TAF1B: variants seen among roughly 807,000 people sequenced by gnomAD.
The protein encoded by TAF1B is TATA box-binding protein-associated factor RNA polymerase I subunit B.
TAF1B carries 61 observed loss-of-function variants against 83.9 expected under a neutral mutation model. That is an observed-to-expected ratio of 0.73 (90% CI 0.59 to 0.90). TAF1B has a LOEUF of 0.90. TAF1B is among the 40% of genes least tolerant of loss of function. TAF1B has a pLI of 0.00. For missense variants in TAF1B, 625 were observed against 677.0 expected, an observed-to-expected ratio of 0.92 and a Z score of 0.85; for synonymous variants, 221 against 224.6, an observed-to-expected ratio of 0.98 and a Z score of 0.14.
At position 9,882,701 on chromosome 2, in the gene TAF1B, T is replaced by C. The variant is rs1664547190; in HGVS notation, c.708-5T>C. 2 of 1,592,448 alleles carry C rather than the reference T, an allele frequency of 1.3e-6. No individual in the cohort carries two copies. Among genetic ancestry groups the C allele is most frequent in the Non-Finnish European group, 1.7e-6 (2 of 1,169,572 alleles). On this transcript the variant is annotated splice_region_variant and splice_polypyrimidine_tract_variant and intron_variant, in intron 7 of 14. Transcript: ENST00000263663. ...CATTAAACCTTTTTCTTTTTAAAAA[T>C]ACAGGTTTGTTGAAGAGGACCATAT...
chr2:9,883,443 C>A (rs180788440), intron 8 of TAF1B, among the ~76,000 whole-genome samples: 1 of 152,134 alleles, frequency 6.6e-6, no homozygotes. Context: ...ACATTGTTGG[C>A]GGTGTAAGAG....
intron 6 of TAF1B, chr2:9,868,759 A>C: frequency 2.0e-6 from 1 of 494,916 alleles, no homozygotes; most frequent in East Asian, 6.1e-5. Flanking sequence ...TGTAGCAGAA[A>C]AATGTTATTA....
In TAF1B at chr2:9,934,091, T is replaced by TC; in HGVS notation, c.*107_*108insC. The TC allele has an allele frequency of 2.3e-6, 2 of 880,842 alleles. No individual in the cohort carries two copies. Among genetic ancestry groups the TC allele is most frequent in the Non-Finnish European group, 3.4e-6 (2 of 584,612 alleles). 54.6% of individuals were successfully genotyped at this position (880,842 alleles called of 1,614,324 possible). A position where few individuals can be genotyped will look rare whatever the true frequency, so the allele number is the denominator to read the frequency against. ...GTGGAAAATACTGCATATATATGTA[T>TC]AGACTCTGACACATATTTACATATA... On this transcript the variant is annotated 3_prime_UTR_variant, in exon 15 of 15. Transcript: ENST00000263663.
intron 7 of TAF1B, among the ~76,000 whole-genome samples, chr2:9,876,959 G>A (rs1174188257): frequency 1.3e-5 from 2 of 152,080 alleles, no homozygotes; most frequent in Non-Finnish European, 2.9e-5. Flanking sequence ...TATTGGCTCA[G>A]CCCCTTTGAT....
intron 2 of TAF1B, among the ~76,000 whole-genome samples, chr2:9,847,976 C>A (rs1663261077): frequency 6.6e-6 from 1 of 152,134 alleles, no homozygotes; most frequent in Non-Finnish European, 1.5e-5. Context: ...TGTAAATATT[C>A]CATAATGGCC....
At position 9,919,631 on chromosome 2, in the gene TAF1B, C is replaced by G. The variant is rs1372476095; in HGVS notation, c.1376C>G (p.Thr459Arg). The G allele has an allele frequency of 6.8e-6, 11 of 1,613,990 alleles. No homozygotes were observed. The highest frequency in any genetic ancestry group is 1.7e-5 in the Admixed American group (1 of 59,984). The change falls in exon 14 of 15, where the codon ACA becomes AGA. Residue 459 changes from threonine (T) to arginine (R), a missense_variant. Physicochemically the swap from Thr to Arg is moderately conservative, Grantham distance 71 (BLOSUM62 -1). Transcript: ENST00000263663. ...GTGAATCTACAGAAACAATTTAGCA[C>G]ACTGGTCGAGTCAACAGCAACTGCT... The part of the protein sequence containing the change: ...MVVNLQKQFS[T>R]LVESTATAGK...
intron 8 of TAF1B, among the ~76,000 whole-genome samples, chr2:9,892,267 G>C (rs996554589): frequency 6.6e-6 from 1 of 152,154 alleles, no homozygotes; most frequent in Non-Finnish European, 1.5e-5. Flanking sequence ...GCCTAGGTGT[G>C]TACTGGGCTG....
At chr2:9,880,552 A>T (rs1664473458) in intron 7 of TAF1B, among the ~76,000 whole-genome samples, 1 of 149,808 alleles carries the variant, frequency 6.7e-6, no homozygotes, top group Non-Finnish European at 1.5e-5. Context: ...CTTTGCGGAC[A>T]TTTCTGCTTC....
At chr2:9,917,868 T>C (rs12618415) in intron 12 of TAF1B, among the ~76,000 whole-genome samples, 77,977 of 151,296 alleles carry the variant, frequency 0.52, 23,043 homozygotes, top group Non-Finnish European at 0.68. Flanking sequence ...GTCAGGAGAT[T>C]GAGACCATCC....
intron 8 of TAF1B, 23 bp from the exon 9 acceptor site, chr2:9,904,836 T>G: frequency 6.2e-7 from 1 of 1,601,070 alleles, no homozygotes; most frequent in Non-Finnish European, 8.5e-7. Flanking sequence ...ATTGCAACTA[T>G]GATGGTCTCT....
intron 3 of TAF1B, 67 bp downstream of exon 3, chr2:9,849,527 C>CATGGA: frequency 2.5e-6 from 3 of 1,209,678 alleles, no homozygotes; most frequent in Non-Finnish European, 3.3e-6. Context: ...GATGTCAGGA[C>CATGGA]ATGGAATGGA....
chr2:9,908,387 G>A (rs891157537), intron 9 of TAF1B, among the ~76,000 whole-genome samples: 6 of 152,034 alleles, frequency 3.9e-5, no homozygotes, highest in African/African-American at 1.5e-4. Context: ...TTCAAGAAAT[G>A]TCATTTTTTT....
chr2:9,871,078 TTTG>T (rs1487487944), intron 6 of TAF1B, among the ~76,000 whole-genome samples: 5 of 152,188 alleles, frequency 3.3e-5, no homozygotes, highest in Admixed American at 6.5e-5. Flanking sequence ...TCTCTCCTTT[TTTG>T]TTGTTGTTTT....
chr2:9,865,054 A>T (rs1372073702), intron 5 of TAF1B, among the ~76,000 whole-genome samples: 4 of 152,002 alleles, frequency 2.6e-5, no homozygotes, highest in Admixed American at 6.6e-5. Flanking sequence ...CTCTCTCACC[A>T]CTCCTATTGA....
At chr2:9,884,118 G>T (rs2125155882) in intron 8 of TAF1B, among the ~76,000 whole-genome samples, 1 of 152,326 alleles carries the variant, frequency 6.6e-6, no homozygotes, top group South Asian at 2.1e-4. Context: ...GCTGCAGCGG[G>T]GCAGGCAGTT....
At chr2:9,913,308 A>C in intron 12 of TAF1B, 59 bp downstream of exon 12, 1 of 1,407,484 alleles carries the variant, frequency 7.1e-7, no homozygotes, top group Non-Finnish European at 1.0e-6. Flanking sequence ...GTTACTTTAC[A>C]TTTGAAAGCT....
chr2:9,881,791 A>C (rs1188690417), intron 7 of TAF1B, among the ~76,000 whole-genome samples: 1 of 152,220 alleles, frequency 6.6e-6, no homozygotes, highest in Non-Finnish European at 1.5e-5. Context: ...TATTTTCTTC[A>C]AACTCAATAA....
intron 5 of TAF1B, among the ~76,000 whole-genome samples, chr2:9,858,687 C>A (rs544626643): frequency 6.6e-6 from 1 of 152,176 alleles, no homozygotes; most frequent in African/African-American, 2.4e-5. Context: ...TTCTATGCAC[C>A]CACAGGCCCA....
At chr2:9,876,240 A>G (rs1356148121) in intron 7 of TAF1B, among the ~76,000 whole-genome samples, 1 of 152,250 alleles carries the variant, frequency 6.6e-6, no homozygotes, top group East Asian at 1.9e-4. Flanking sequence ...TACTTACCAC[A>G]CATGGGCTAT....
Sources: gnomAD v4.1 joint callset for allele counts (sites outside exome capture counted in the v4.1 genomes callset) on GRCh38, gnomAD v4.1.1 for gene constraint, MANE v1.5 for transcripts, NCBI Gene and HGNC (gene_info 2026-07-23, HGNC 2026-07-21) for gene names.